The following CAMK2D variants were observed in gnomAD, a reference collection of about 807,000 sequenced individuals.
CAMK2D encodes the protein calcium/calmodulin dependent protein kinase II delta.
CAMK2D carries 37 observed loss-of-function variants against 84.0 expected under a neutral mutation model. That is an observed-to-expected ratio of 0.44 (90% confidence interval 0.34 to 0.58). The LOEUF is 0.58. Ranked by LOEUF, CAMK2D falls within the 20% of genes least tolerant of loss-of-function variation. The pLI is 0.02. For synonymous variants in CAMK2D, 202 were observed against 212.5 expected, an observed-to-expected ratio of 0.95 and a Z score of 0.43; for missense variants, 448 against 652.5, an observed-to-expected ratio of 0.69 and a Z score of 3.41.
intron 17 of CAMK2D, among the ~76,000 whole-genome samples, chr4:113,464,682 C>G (rs2154111333): frequency 6.6e-6 from 1 of 152,276 alleles, no homozygotes; most frequent in Non-Finnish European, 1.5e-5. Context: ...AGCATTAAAA[C>G]CCATTCTTCA....
chr4:113,606,208 T>C (rs1346663255), intron 4 of CAMK2D, among the ~76,000 whole-genome samples: 2 of 152,132 alleles, frequency 1.3e-5, no homozygotes, highest in Non-Finnish European at 1.5e-5. Context: ...CAGTGGCTCA[T>C]GCCTGTAATC....
At chr4:113,502,815 G>A in intron 15 of CAMK2D, 121 bp downstream of exon 15, 1 of 712,084 alleles carries the variant, frequency 1.4e-6, no homozygotes, top group Non-Finnish European at 2.5e-6. Context: ...CCAAAAGGAA[G>A]TGTGGTAGAA....
chr4:113,454,725 TATTA>T (rs1388387226), intron 20 of CAMK2D, among the ~76,000 whole-genome samples: 27 of 152,250 alleles, frequency 1.8e-4, no homozygotes, highest in Admixed American at 7.2e-4. Context: ...AGAAGATCAG[TATTA>T]ATTATTTTTT....
chr4:113,527,413 T>A (rs1017025666), intron 8 of CAMK2D, among the ~76,000 whole-genome samples: 1 of 152,070 alleles, frequency 6.6e-6, no homozygotes, highest in Non-Finnish European at 1.5e-5. Context: ...TTTTAAAGTA[T>A]TTTTTAGGTA....
At chr4:113,727,160 A>C (rs558965289) in intron 2 of CAMK2D, among the ~76,000 whole-genome samples, 1 of 152,320 alleles carries the variant, frequency 6.6e-6, no homozygotes, top group Admixed American at 6.5e-5. Flanking sequence ...CATTCTCACA[A>C]AATTAATGTA....
chr4:113,660,612 A>G (rs1211502341), intron 3 of CAMK2D, among the ~76,000 whole-genome samples: 1 of 151,888 alleles, frequency 6.6e-6, no homozygotes, highest in Non-Finnish European at 1.5e-5. Context: ...GCTGGTCTCA[A>G]ACTCCTAGGT....
chr4:113,543,633 C>T (rs1232891943), intron 6 of CAMK2D, among the ~76,000 whole-genome samples: 5 of 152,006 alleles, frequency 3.3e-5, no homozygotes, highest in Admixed American at 6.6e-5. Context: ...ATGATGCCTT[C>T]GTGGTTCCTG....
Position 113,493,209 on chromosome 4 carries a change from C to T in CAMK2D, c.1135+7254G>A, listed in dbSNP as rs200731610. Among the ~76,000 whole-genome samples the T allele has an allele frequency of 8.1e-4, 122 of 150,838 alleles. 2 individuals carry two copies. The East Asian group carries it at 0.022, about 27-fold the overall frequency. On this transcript the variant is annotated intron_variant, in intron 16 of 20. Transcript: ENST00000511664. ...TATGATGTTAGCTGGTTATTTTGCT[C>T]GTTAGTTGATGCAGTTTCTTCCTAG...
chr4:113,600,241 T>G (rs2098946013), intron 4 of CAMK2D, among the ~76,000 whole-genome samples: 1 of 152,168 alleles, frequency 6.6e-6, no homozygotes, highest in Non-Finnish European at 1.5e-5. Flanking sequence ...TAAAAACCCA[T>G]ACAATGTAAA....
At chr4:113,479,520 G>A (rs1589901474) in intron 16 of CAMK2D, among the ~76,000 whole-genome samples, 1 of 152,212 alleles carries the variant, frequency 6.6e-6, no homozygotes, top group South Asian at 2.1e-4. Context: ...ATGGTACTAT[G>A]GAGGCCAAAA....
intron 4 of CAMK2D, among the ~76,000 whole-genome samples, chr4:113,585,464 G>A (rs1219189553): frequency 6.6e-6 from 1 of 151,898 alleles, no homozygotes; most frequent in African/African-American, 2.4e-5. Context: ...CATGTATTTT[G>A]TATACACAGG....
intron 2 of CAMK2D, among the ~76,000 whole-genome samples, chr4:113,701,718 G>C (rs568903247): frequency 6.6e-6 from 1 of 150,848 alleles, no homozygotes; most frequent in East Asian, 1.9e-4. Flanking sequence ...TTGTTGTTTT[G>C]TTTTTTTTTG....
chr4:113,692,299 T>C (rs1410600950), intron 2 of CAMK2D, among the ~76,000 whole-genome samples: 2 of 152,146 alleles, frequency 1.3e-5, no homozygotes, highest in Non-Finnish European at 2.9e-5. Context: ...TTTGATATCG[T>C]TCACTACATT....
intron 16 of CAMK2D, among the ~76,000 whole-genome samples, chr4:113,479,289 T>C (rs941165310): frequency 1.8e-4 from 28 of 152,232 alleles, no homozygotes; most frequent in Admixed American, 1.8e-3. Flanking sequence ...TCAGTCTACA[T>C]ATTTTTCTTT....
chr4:113,726,378 T>A (rs2099545995), intron 2 of CAMK2D, among the ~76,000 whole-genome samples: 1 of 138,610 alleles, frequency 7.2e-6, no homozygotes, highest in African/African-American at 2.7e-5. Flanking sequence ...CTTGGGCTTT[T>A]TTTTTTTTTT....
chr4:113,559,324 G>T (rs1427765642), intron 4 of CAMK2D, among the ~76,000 whole-genome samples: 2 of 152,156 alleles, frequency 1.3e-5, no homozygotes, highest in Non-Finnish European at 2.9e-5. Flanking sequence ...ACTAGACTAA[G>T]TTTCAAACAC....
intron 16 of CAMK2D, among the ~76,000 whole-genome samples, chr4:113,487,056 T>C (rs1006046612): frequency 9.2e-5 from 14 of 152,162 alleles, no homozygotes; most frequent in Non-Finnish European, 1.6e-4. Context: ...ATGTGAAAAA[T>C]AAAAATTCTT....
At chr4:113,590,546 A>T (rs1170015007) in intron 4 of CAMK2D, among the ~76,000 whole-genome samples, 1 of 152,198 alleles carries the variant, frequency 6.6e-6, no homozygotes, top group Non-Finnish European at 1.5e-5. Flanking sequence ...CACGTCTATC[A>T]CTACACGAGA....
chr4:113,706,965 C>T (rs2099460213), intron 2 of CAMK2D, among the ~76,000 whole-genome samples: 1 of 151,752 alleles, frequency 6.6e-6, no homozygotes, highest in African/African-American at 2.4e-5. Context: ...TTATGCAAGT[C>T]TTTCCTGTCA....
Sources: allele counts gnomAD v4.1 joint callset (sites outside exome capture counted in the v4.1 genomes callset), GRCh38; gene constraint gnomAD v4.1.1; transcripts MANE v1.5; gene names NCBI Gene and HGNC (gene_info 2026-07-23, HGNC 2026-07-21).